RAB6A: variants seen among roughly 807,000 people sequenced by gnomAD.
RAB6A encodes ras-related protein Rab-6A.
In RAB6A, 8 loss-of-function variants were observed where a neutral mutation model predicts 32.3. That is an observed-to-expected ratio of 0.25 (90% CI 0.15 to 0.45). The LOEUF (loss-of-function observed/expected upper bound fraction) is 0.45, where lower values mean the gene tolerates loss of function less well. Among genes scored for constraint, RAB6A ranks in the 20% least tolerant of loss-of-function variants. The probability of loss-of-function intolerance (pLI) is 1.00; values close to 1 mark genes in which losing one functional copy is unlikely to be tolerated. For missense variants in RAB6A, 104 were observed against 249.4 expected, an observed-to-expected ratio of 0.42 and a Z score of 3.93; for synonymous variants, 73 against 82.1, an observed-to-expected ratio of 0.89 and a Z score of 0.60.
intron 4 of RAB6A, among the ~76,000 whole-genome samples, chr11:73,716,681 T>C (rs1459789153): frequency 6.6e-6 from 1 of 152,074 alleles, no homozygotes; most frequent in Non-Finnish European, 1.5e-5. Flanking sequence ...TGGCAGATAA[T>C]ATGGTGTCAC....
At chr11:73,679,603 C>G in intron 7 of RAB6A, 51 bp downstream of exon 7, 3 of 1,604,712 alleles carry the variant, frequency 1.9e-6, no homozygotes, top group Non-Finnish European at 2.6e-6. Context: ...AAGCAGGGCT[C>G]TAAAGACTAG....
At chr11:73,715,216 C>T (rs1230896598) in intron 5 of RAB6A, among the ~76,000 whole-genome samples, 1 of 151,990 alleles carries the variant, frequency 6.6e-6, no homozygotes, top group Non-Finnish European at 1.5e-5. Flanking sequence ...AACCTCCGCT[C>T]CCCTGGTTCA....
intron 1 of RAB6A, among the ~76,000 whole-genome samples, chr11:73,733,316 A>C (rs1440204461): frequency 6.6e-6 from 1 of 152,160 alleles, no homozygotes; most frequent in Non-Finnish European, 1.5e-5. Context: ...TGGGAGGCTG[A>C]GGCAGGCAGA....
intron 6 of RAB6A, among the ~76,000 whole-genome samples, chr11:73,701,557 C>G (rs928386949): frequency 5.9e-5 from 9 of 152,204 alleles, no homozygotes; most frequent in Non-Finnish European, 1.0e-4. Flanking sequence ...CAGACTTTAG[C>G]TTTGGTAATA....
At chr11:73,756,814 C>T (rs1946757596) in intron 1 of RAB6A, among the ~76,000 whole-genome samples, 1 of 152,088 alleles carries the variant, frequency 6.6e-6, no homozygotes, top group African/African-American at 2.4e-5. Context: ...GCTGGGATTA[C>T]AGGCACACGC....
At chr11:73,720,094 T>C (rs1312582994) in intron 3 of RAB6A, among the ~76,000 whole-genome samples, 1 of 151,758 alleles carries the variant, frequency 6.6e-6, no homozygotes, top group Non-Finnish European at 1.5e-5. Context: ...CAAGGGGTAG[T>C]GGGCTAGAAT....
chr11:73,748,083 C>G (rs1946619403), intron 1 of RAB6A, among the ~76,000 whole-genome samples: 2 of 152,146 alleles, frequency 1.3e-5, no homozygotes, highest in Non-Finnish European at 2.9e-5. Context: ...TTTTAAAATT[C>G]ATCAAAGGGA....
At position 73,718,507 on chromosome 11, in the gene RAB6A, CTT is replaced by C. The variant is rs1946085886; in HGVS notation, c.289+104_289+105del. 4.2e-6 allele frequency: 4 copies of C among 963,806 alleles called. No individual in the cohort carries two copies. The East Asian group carries it at 1.0e-4, about 25-fold the overall frequency. 59.7% of individuals were successfully genotyped at this position (963,806 alleles called of 1,614,324 possible). A position where few individuals can be genotyped will look rare whatever the true frequency, so the allele number is the denominator to read the frequency against. On this transcript the variant is annotated intron_variant, in intron 4 of 7. Coordinates refer to ENST00000336083, the MANE Select transcript of RAB6A (RefSeq NM_198896.2). ...TGGTATGTAATTTACTATGATAAAA[CTT>C]ATTTTTACATGCCAGTAAGGAAAAC... is the stretch of plus-strand genomic sequence containing the variant.
At chr11:73,746,959 G>A (rs989784179) in intron 1 of RAB6A, among the ~76,000 whole-genome samples, 9 of 152,026 alleles carry the variant, frequency 5.9e-5, no homozygotes, top group African/African-American at 1.2e-4. Context: ...TTTTTGAGAC[G>A]GAGTCTCGCT....
rs1394910703 is a variant in RAB6A, at chr11:73,722,323, ATATATATATATATATATATATTTTTTT to A, written c.130-1451_130-1425del. 7.6e-4 allele frequency: 6 copies of A among 7,860 alleles called. No homozygotes were observed. The East Asian group carries it at 0.02, about 26-fold the overall frequency. The allele number at this position is 7,860 out of a possible 1,614,324, so 0.5% of individuals were successfully genotyped here. On this transcript the variant is annotated intron_variant, in intron 2 of 7. Coordinates refer to ENST00000336083, the MANE Select transcript of RAB6A (RefSeq NM_198896.2). The stretch of plus-strand genomic sequence containing the variant: ...TGTGTGTGTATATATATATATATAT[ATATATATATATATATATATATTTTTTT>A]TTTTTTTTTTTTTTTTTGAGACAGT...
chr11:73,759,205 T>C (rs1259843829), intron 1 of RAB6A, among the ~76,000 whole-genome samples: 1 of 152,316 alleles, frequency 6.6e-6, no homozygotes, highest in East Asian at 1.9e-4. Flanking sequence ...AGGTACTCAA[T>C]GTTTGATGAC....
chr11:73,719,438 G>T (rs1374072141), intron 3 of RAB6A, among the ~76,000 whole-genome samples: 1 of 152,180 alleles, frequency 6.6e-6, no homozygotes, highest in African/African-American at 2.4e-5. Context: ...ACATGCGAGT[G>T]TGTGCGCGCA....
intron 5 of RAB6A, among the ~76,000 whole-genome samples, chr11:73,708,527 C>A (rs1945887777): frequency 6.6e-6 from 1 of 152,036 alleles, no homozygotes; most frequent in Admixed American, 6.6e-5. Flanking sequence ...GGTAAAGCCT[C>A]TAGATACAAA....
chr11:73,728,508 C>T lies in RAB6A; in HGVS notation c.129+2257G>A, dbSNP rs116264044. On this transcript the variant is annotated intron_variant, in intron 2 of 7. Coordinates refer to ENST00000336083, the MANE Select transcript of RAB6A (RefSeq NM_198896.2). Reference sequence around the variant, plus strand: ...GACACATAGGTCAGGTGTGGTGGCTCATGCCTGTAATCCCAGCACTTTGGA... The same window carrying T: ...GACACATAGGTCAGGTGTGGTGGCTTATGCCTGTAATCCCAGCACTTTGGA... Among the ~76,000 whole-genome samples, 808 of 151,392 alleles carry T rather than the reference C, an allele frequency of 5.3e-3. 7 individuals carry two copies. The highest frequency in any genetic ancestry group is 0.018 in the African/African-American group (736 of 41,330).
chr11:73,738,680 G>A (rs999914200), intron 1 of RAB6A, among the ~76,000 whole-genome samples: 3 of 151,600 alleles, frequency 2.0e-5, no homozygotes, highest in Non-Finnish European at 4.4e-5. Flanking sequence ...ATCCAATATT[G>A]AGGCCAGGAG....
chr11:73,699,874 T>A (rs1474785709), intron 6 of RAB6A, among the ~76,000 whole-genome samples: 2 of 152,192 alleles, frequency 1.3e-5, no homozygotes, highest in Non-Finnish European at 2.9e-5. Flanking sequence ...GGAAAAGATA[T>A]GATCACCACC....
intron 2 of RAB6A, among the ~76,000 whole-genome samples, chr11:73,724,342 T>C (rs1946184548): frequency 6.6e-6 from 1 of 152,180 alleles, no homozygotes; most frequent in Admixed American, 6.6e-5. Flanking sequence ...TAAAAGTAAA[T>C]TTTATAGTAT....
At chr11:73,758,335 T>C (rs1946792048) in intron 1 of RAB6A, among the ~76,000 whole-genome samples, 1 of 152,192 alleles carries the variant, frequency 6.6e-6, no homozygotes, top group Non-Finnish European at 1.5e-5. Context: ...GGACTTAAGT[T>C]AATAATAACA....
intron 1 of RAB6A, among the ~76,000 whole-genome samples, chr11:73,758,803 TAACC>T (rs1200470723): frequency 6.6e-6 from 1 of 152,202 alleles, no homozygotes; most frequent in East Asian, 1.9e-4. Context: ...TTATCAATAA[TAACC>T]AATAAACTAT....
Sources: allele counts gnomAD v4.1 joint callset (sites outside exome capture counted in the v4.1 genomes callset), GRCh38; gene constraint gnomAD v4.1.1; transcripts MANE v1.5; gene names NCBI Gene and HGNC (gene_info 2026-07-23, HGNC 2026-07-21).